ZNF366: variants seen among roughly 807,000 people sequenced by gnomAD.
The protein encoded by ZNF366 is dendritic cell-specific transcript protein.
Under a neutral mutation model 47.2 loss-of-function variants are expected in ZNF366, and 20 were observed. The ratio of observed to expected loss-of-function variants is 0.42; its 90% CI spans 0.30 to 0.62. The LOEUF (loss-of-function observed/expected upper bound fraction) is 0.62. Among genes scored for constraint, ZNF366 ranks in the 20% least tolerant of loss-of-function variants. ZNF366 has a pLI of 0.16. For synonymous variants in ZNF366, 421 were observed against 395.1 expected, an observed-to-expected ratio of 1.07 and a Z score of -0.78; for missense variants, 987 against 976.3, an observed-to-expected ratio of 1.01 and a Z score of -0.15.
chr5:72,489,145 G>T (rs1325356412), intron 1 of ZNF366, among the ~76,000 whole-genome samples: 1 of 152,030 alleles, frequency 6.6e-6, no homozygotes, highest in Non-Finnish European at 1.5e-5. Context: ...GGAGGCCAAG[G>T]TGGGTGGATC....
chr5:72,465,133 T>C (rs1743404088), intron 1 of ZNF366, among the ~76,000 whole-genome samples: 1 of 152,208 alleles, frequency 6.6e-6, no homozygotes, highest in Non-Finnish European at 1.5e-5. Context: ...CAGCAGTCCC[T>C]TTCTGAATAC....
chr5:72,481,830 A>T (rs920986810), intron 1 of ZNF366, among the ~76,000 whole-genome samples: 1 of 152,190 alleles, frequency 6.6e-6, no homozygotes, highest in South Asian at 2.1e-4. Flanking sequence ...CAAAATTTTC[A>T]TACCCATTAG....
intron 1 of ZNF366, among the ~76,000 whole-genome samples, chr5:72,499,726 C>T (rs1744175656): frequency 6.6e-6 from 1 of 152,116 alleles, no homozygotes. Flanking sequence ...ACTAGAAAAA[C>T]AGCAAGAAAC....
rs368802193 is a variant in ZNF366, at chr5:72,444,168, C to T, written c.1823G>A (p.Gly608Glu). 1.9e-6 allele frequency: 3 copies of T among 1,613,454 alleles called. No individual in the cohort carries two copies. In the African/African-American group the frequency reaches 4.0e-5, roughly 22 times the overall value. Residue 608 changes from glycine (G) to glutamate (E), a missense_variant, in exon 5 of 5, where the codon GGG (glycine) becomes GAG (glutamate). By Grantham distance (98) the Gly-to-Glu change is moderately conservative. Around this residue, in one of 3 missense-constraint regions of ZNF366, gnomAD observed 285 missense variants for 234.8 expected, o/e 1.21. Transcript: ENST00000318442. ...RAKVPVFQSD[G>E]ESAQGSHCHE... Reference sequence around the variant, plus strand: ...GCAGTGGCTGCCCTGGGCACTCTCCCCGTCTGACTGGAACACCGGCACCTT... The same window carrying T: ...GCAGTGGCTGCCCTGGGCACTCTCCTCGTCTGACTGGAACACCGGCACCTT...
intron 3 of ZNF366, among the ~76,000 whole-genome samples, chr5:72,450,006 T>A (rs1425562048): frequency 6.6e-6 from 1 of 152,190 alleles, no homozygotes; most frequent in Non-Finnish European, 1.5e-5. Context: ...GACAAGCACC[T>A]TCTGCACTTG....
At chr5:72,475,571 G>C (rs961323767) in intron 1 of ZNF366, among the ~76,000 whole-genome samples, 2 of 152,154 alleles carry the variant, frequency 1.3e-5, no homozygotes, top group African/African-American at 4.8e-5. Flanking sequence ...ATCTTGCAGA[G>C]GGCCTGTACA....
Position 72,442,070 on chromosome 5 carries a change from C to A in ZNF366, c.*1686G>T, listed in dbSNP as rs143192835. On this transcript the variant is annotated 3_prime_UTR_variant, in exon 5 of 5. Transcript: ENST00000318442. Reference sequence around the variant, plus strand: ...GCATTTTTTAAACATAGTAAGTGACCATAAACATCACAGGCATCATCTTCT... The same window carrying A: ...GCATTTTTTAAACATAGTAAGTGACAATAAACATCACAGGCATCATCTTCT... 3 of 151,996 alleles carry A rather than the reference C, an allele frequency of 2.0e-5. No individual in the cohort carries two copies. Among genetic ancestry groups the A allele is most frequent in the Non-Finnish European group, 4.4e-5 (3 of 68,010 alleles). 9.4% of individuals were successfully genotyped at this position (151,996 alleles called of 1,614,324 possible).
rs551468174 is a variant in ZNF366 at position 72,494,064 on chromosome 5, C to A, written c.-15+13187G>T. On this transcript the variant is annotated intron_variant, in intron 1 of 4. Transcript: ENST00000318442. ...GGGATTACAGGAGTGAGCCCCTACA[C>A]CCAGCCTTAAAATTTATATTTAATC... 3.9e-5 allele frequency among the ~76,000 whole-genome samples: 6 copies of A among 152,098 alleles called. 1 individual carries two copies. In the South Asian group the frequency reaches 1.0e-3, roughly 26 times the overall value.
intron 1 of ZNF366, among the ~76,000 whole-genome samples, chr5:72,485,109 TA>T (rs142174268): frequency 0.22 from 33,792 of 152,092 alleles, 4,215 homozygotes; most frequent in South Asian, 0.28. Flanking sequence ...AAAAATTTAG[TA>T]AAAAAACATT....
chr5:72,458,324 TC>T (rs1743233287), intron 2 of ZNF366, among the ~76,000 whole-genome samples: 2 of 152,170 alleles, frequency 1.3e-5, no homozygotes, highest in South Asian at 4.1e-4. Flanking sequence ...CCAGCATCTT[TC>T]TTCTCTCAAG....
chr5:72,460,014 A>C (rs1162619352), intron 2 of ZNF366, 151 bp downstream of exon 2: 3 of 1,072,340 alleles, frequency 2.8e-6, no homozygotes, highest in Non-Finnish European at 2.6e-6. Context: ...GAAGGACCTC[A>C]GGGCTCGGCC....
intron 1 of ZNF366, among the ~76,000 whole-genome samples, chr5:72,474,694 T>C (rs893454553): frequency 6.6e-6 from 1 of 151,894 alleles, no homozygotes; most frequent in African/African-American, 2.4e-5. Context: ...ACACAAGCCA[T>C]GTAAAGTAAT....
At chr5:72,465,782 G>A (rs560390167) in intron 1 of ZNF366, among the ~76,000 whole-genome samples, 11 of 152,326 alleles carry the variant, frequency 7.2e-5, no homozygotes, top group Admixed American at 3.3e-4. Flanking sequence ...AAGCCGCTGC[G>A]TGTGGGATAA....
intron 3 of ZNF366, among the ~76,000 whole-genome samples, chr5:72,453,547 C>T (rs1319431806): frequency 6.6e-6 from 1 of 152,234 alleles, no homozygotes; most frequent in Admixed American, 6.5e-5. Flanking sequence ...TCTAGCACAG[C>T]ATAGTTGGGA....
chr5:72,499,973 A>G (rs958650374), intron 1 of ZNF366, among the ~76,000 whole-genome samples: 3 of 152,086 alleles, frequency 2.0e-5, no homozygotes, highest in African/African-American at 7.2e-5. Flanking sequence ...CCCTCCAACA[A>G]TAGTCTCCTC....
chr5:72,449,658 G>C (rs1743026358), intron 3 of ZNF366, among the ~76,000 whole-genome samples: 1 of 152,242 alleles, frequency 6.6e-6, no homozygotes, highest in African/African-American at 2.4e-5. Flanking sequence ...TGAAGCTGCT[G>C]TTACAATTGC....
At chr5:72,497,004 ATAAAACAAGTCCTTTATCAGATATTCT>A (rs1744125305) in intron 1 of ZNF366, among the ~76,000 whole-genome samples, 1 of 152,196 alleles carries the variant, frequency 6.6e-6, no homozygotes, top group Non-Finnish European at 1.5e-5. Context: ...TAAAATATGT[ATAAAACAAGTCCTTTATCAGATATTCT>A]TAAAACAAGT....
intron 3 of ZNF366, among the ~76,000 whole-genome samples, chr5:72,449,371 AAGTAGCT>A (rs1743018456): frequency 6.6e-6 from 1 of 151,600 alleles, no homozygotes; most frequent in African/African-American, 2.4e-5. Context: ...TCAGCCTGCC[AAGTAGCT>A]GGGACTACAG....
At chr5:72,505,299 G>T (rs542359231) in intron 1 of ZNF366, among the ~76,000 whole-genome samples, 2 of 152,320 alleles carry the variant, frequency 1.3e-5, no homozygotes, top group East Asian at 3.9e-4. Flanking sequence ...GAAACTAGTC[G>T]ATGGCTTTTA....
Sources: gnomAD v4.1 joint callset for allele counts (sites outside exome capture counted in the v4.1 genomes callset) on GRCh38, gnomAD v4.1.1 for gene constraint, gnomAD v4.1.1 regional missense constraint, MANE v1.5 for transcripts, NCBI Gene and HGNC (gene_info 2026-07-23, HGNC 2026-07-21) for gene names.